The following SKIC2 variants were observed in gnomAD, a reference collection of about 807,000 sequenced individuals.
SKIC2 encodes the protein SKI2 subunit of superkiller complex, also known as superkiller complex protein 2.
At chr6:31,960,385 G>T in the SKIC2 span, 3 of 1,596,900 alleles carry the variant, frequency 1.9e-6, no homozygotes, top group African/African-American at 1.3e-5. Flanking sequence ...AGGGGAGGTG[G>T]TCAGAGACAA....
chr6:31,962,596 G>T, the SKIC2 span: 4 of 1,611,698 alleles, frequency 2.5e-6, no homozygotes, highest in East Asian at 2.2e-5. The surrounding 1 kb of genome is among the most constrained non-coding windows in gnomAD (Gnocchi z 5.0). Context: ...GTGAGAGATG[G>T]ACACTCAATA....
chr6:31,960,480 C>T, the SKIC2 span: 14 of 1,614,022 alleles, frequency 8.7e-6, no homozygotes, highest in African/African-American at 1.3e-5. Context: ...CTTGTCTCTT[C>T]GCCGGCCTCC....
At chr6:31,965,291 G>A in the SKIC2 span, among the ~76,000 whole-genome samples, 1 of 152,178 alleles carries the variant, frequency 6.6e-6, no homozygotes, top group Admixed American at 6.5e-5. This position sits in a 1 kb window ranked among gnomAD's most constrained non-coding sequence, Gnocchi z 5.6. Context: ...CCTTCACTGG[G>A]AGAGAGGGAA....
At chr6:31,967,344 G>C in the SKIC2 span, 2 of 1,612,968 alleles carry the variant, frequency 1.2e-6, no homozygotes, top group Non-Finnish European at 1.7e-6. The surrounding 1 kb of genome is among the most constrained non-coding windows in gnomAD (Gnocchi z 4.9). Context: ...TGAAGAATCA[G>C]GAGCATCACA....
the SKIC2 span, chr6:31,962,318 T>C: frequency 8.6e-7 from 1 of 1,167,486 alleles, no homozygotes; most frequent in Non-Finnish European, 1.3e-6. The surrounding 1 kb of genome is among the most constrained non-coding windows in gnomAD (Gnocchi z 5.0). Context: ...AAGGGCAGTT[T>C]GGGTGAAGAA....
At chr6:31,965,628 C>T in the SKIC2 span, among the ~76,000 whole-genome samples, 1 of 152,132 alleles carries the variant, frequency 6.6e-6, no homozygotes, top group African/African-American at 2.4e-5. The surrounding 1 kb of genome is among the most constrained non-coding windows in gnomAD (Gnocchi z 5.6). Flanking sequence ...AACAATAATA[C>T]CTGCCCTATA....
At chr6:31,960,813 C>A in the SKIC2 span, 1 of 1,183,258 alleles carries the variant, frequency 8.5e-7, no homozygotes, top group Non-Finnish European at 1.2e-6. Flanking sequence ...GCTAGCCCTC[C>A]CATGTTTTTG....
At chr6:31,969,103 C>G in the SKIC2 span, 1 of 1,603,594 alleles carries the variant, frequency 6.2e-7, no homozygotes. The surrounding 1 kb of genome is among the most constrained non-coding windows in gnomAD (Gnocchi z 6.1). Flanking sequence ...GGGGACACCA[C>G]CCCTTTCTCC....
At chr6:31,966,677 T>G in the SKIC2 span, 2 of 1,613,062 alleles carry the variant, frequency 1.2e-6, no homozygotes, top group Non-Finnish European at 8.5e-7. This position sits in a 1 kb window ranked among gnomAD's most constrained non-coding sequence, Gnocchi z 5.9. Context: ...GGTCCCACCC[T>G]GATCTCAGTG....
At chr6:31,968,748 G>A in the SKIC2 span, 7 of 1,612,834 alleles carry the variant, frequency 4.3e-6, no homozygotes, top group Admixed American at 1.7e-5. This position sits in a 1 kb window ranked among gnomAD's most constrained non-coding sequence, Gnocchi z 6.1. Context: ...GCTTCCTACT[G>A]TCGGATCAGT....
At chr6:31,967,226 G>T in the SKIC2 span, 1 of 1,609,424 alleles carries the variant, frequency 6.2e-7, no homozygotes, top group Non-Finnish European at 8.5e-7. This position sits in a 1 kb window ranked among gnomAD's most constrained non-coding sequence, Gnocchi z 4.9. Flanking sequence ...CTTAGTCCAA[G>T]TGTCTGTCCC....
the SKIC2 span, chr6:31,959,941 C>G: frequency 8.9e-7 from 1 of 1,118,536 alleles, no homozygotes; most frequent in South Asian, 1.3e-5. Context: ...ACACAAGTCC[C>G]ATCATCTCTT....
the SKIC2 span, chr6:31,962,167 G>A: frequency 8.7e-6 from 10 of 1,149,940 alleles, no homozygotes; most frequent in East Asian, 7.1e-5. The surrounding 1 kb of genome is among the most constrained non-coding windows in gnomAD (Gnocchi z 5.0). Context: ...TAAGTGAGAG[G>A]TTCAGGGCTA....
At chr6:31,963,852 T>C in the SKIC2 span, 22 of 1,494,954 alleles carry the variant, frequency 1.5e-5, no homozygotes, top group Non-Finnish European at 2.0e-5. This position sits in a 1 kb window ranked among gnomAD's most constrained non-coding sequence, Gnocchi z 5.3. Context: ...TAACACTAGC[T>C]CACCTCTCAT....
the SKIC2 span, chr6:31,963,792 T>TC: frequency 1.3e-6 from 2 of 1,494,554 alleles, no homozygotes; most frequent in African/African-American, 1.4e-5. This position sits in a 1 kb window ranked among gnomAD's most constrained non-coding sequence, Gnocchi z 5.3. Flanking sequence ...ATCTTTTTTT[T>TC]CCCCTTGTCC....
the SKIC2 span, chr6:31,959,573 A>G: frequency 3.3e-6 from 2 of 598,466 alleles, no homozygotes; most frequent in Non-Finnish European, 5.9e-6. Flanking sequence ...ACATGTGAGG[A>G]CAGAGCAGAA....
the SKIC2 span, chr6:31,967,682 C>A: frequency 1.9e-6 from 3 of 1,608,320 alleles, no homozygotes; most frequent in Non-Finnish European, 1.7e-6. This position sits in a 1 kb window ranked among gnomAD's most constrained non-coding sequence, Gnocchi z 4.9. Context: ...ACTCATCACA[C>A]CCCCCTCTCC....
the SKIC2 span, chr6:31,963,792 T>C: frequency 7.4e-6 from 11 of 1,494,436 alleles, no homozygotes; most frequent in East Asian, 4.5e-5. The surrounding 1 kb of genome is among the most constrained non-coding windows in gnomAD (Gnocchi z 5.3). Flanking sequence ...ATCTTTTTTT[T>C]CCCCTTGTCC....
At chr6:31,967,267 C>G in the SKIC2 span, 1 of 1,612,678 alleles carries the variant, frequency 6.2e-7, no homozygotes, top group Non-Finnish European at 8.5e-7. This position sits in a 1 kb window ranked among gnomAD's most constrained non-coding sequence, Gnocchi z 4.9. Flanking sequence ...GTCCTTTGCT[C>G]TTCAGCGACG....
Sources: allele counts gnomAD v4.1 joint callset (sites outside exome capture counted in the v4.1 genomes callset), GRCh38; gene constraint gnomAD v4.1.1; non-coding constraint Gnocchi (gnomAD v3.1); transcripts MANE v1.5; gene names NCBI Gene and HGNC (gene_info 2026-07-23, HGNC 2026-07-21).